The following CFAP299 variants were observed in gnomAD, a reference collection of about 807,000 sequenced individuals.
The protein encoded by CFAP299 is cilia- and flagella-associated protein 299.
In CFAP299, 21 loss-of-function variants were observed where a neutral mutation model predicts 27.0. The ratio of observed to expected loss-of-function variants is 0.78; its 90% CI spans 0.55 to 1.12. The LOEUF is 1.12. CFAP299 is among the 50% of genes most tolerant of loss of function. The probability of loss-of-function intolerance (pLI) is 0.00; values close to 1 mark genes in which losing one functional copy is unlikely to be tolerated. For missense variants in CFAP299, 310 were observed against 276.6 expected, an observed-to-expected ratio of 1.12 and a Z score of -0.86; for synonymous variants, 104 against 98.1, an observed-to-expected ratio of 1.06 and a Z score of -0.36.
At chr4:80,499,266 A>C (rs1731617894) in intron 2 of CFAP299, among the ~76,000 whole-genome samples, 1 of 152,140 alleles carries the variant, frequency 6.6e-6, no homozygotes, top group African/African-American at 2.4e-5. Flanking sequence ...AGAAAAAATA[A>C]ATATTTGTTT....
chr4:80,833,148 C>T (rs907189687), intron 3 of CFAP299, among the ~76,000 whole-genome samples: 3 of 151,970 alleles, frequency 2.0e-5, no homozygotes, highest in African/African-American at 7.3e-5. Flanking sequence ...GCAGTATGTG[C>T]TGAACATAGT....
At chr4:80,860,072 T>C (rs1732219517) in intron 3 of CFAP299, among the ~76,000 whole-genome samples, 1 of 152,226 alleles carries the variant, frequency 6.6e-6, no homozygotes, top group Non-Finnish European at 1.5e-5. Flanking sequence ...TTTGGTCTTT[T>C]CACATTGTCC....
chr4:80,721,625 T>TG (rs943717804), intron 3 of CFAP299, among the ~76,000 whole-genome samples: 2 of 152,194 alleles, frequency 1.3e-5, no homozygotes, highest in Admixed American at 6.5e-5. Flanking sequence ...ATATGAATTT[T>TG]GGGGGGAACT....
rs146483628 is a variant in CFAP299, at chr4:80,936,128, A to G, written c.477-8682A>G. ...ATGGCAAAAACATAATTACTTTTGC[A>G]TCAACCTATCAAAGATGATGATGAG... On this transcript the variant is annotated intron_variant, in intron 4 of 5. Coordinates refer to ENST00000358105, the MANE Select transcript of CFAP299 (RefSeq NM_152770.3). 6.1e-3 allele frequency among the ~76,000 whole-genome samples: 931 copies of G among 152,264 alleles called. 11 individuals carry two copies. The highest frequency in any genetic ancestry group is 0.021 in the African/African-American group (883 of 41,562).
intron 3 of CFAP299, among the ~76,000 whole-genome samples, chr4:80,809,410 GTGA>G (rs1729026727): frequency 6.6e-6 from 1 of 152,140 alleles, no homozygotes; most frequent in Non-Finnish European, 1.5e-5. Flanking sequence ...CAAGTGTTTG[GTGA>G]TGATGTTTTA....
Position 80,905,755 on chromosome 4 carries a change from G to A in CFAP299, c.476+35620G>A, listed in dbSNP as rs548120595. ...GCCACTTATAAAATCATCAGATCTC[G>A]TGAGAACTCGTTATCACAAGAACAG... On this transcript the variant is annotated intron_variant, in intron 4 of 5. Transcript: ENST00000358105. 5.3e-5 allele frequency among the ~76,000 whole-genome samples: 8 copies of A among 152,250 alleles called. No individual in the cohort carries two copies. The East Asian group carries it at 5.8e-4, about 11-fold the overall frequency.
At chr4:80,729,237 G>C (rs932601828) in intron 3 of CFAP299, among the ~76,000 whole-genome samples, 8 of 152,234 alleles carry the variant, frequency 5.3e-5, no homozygotes, top group African/African-American at 1.9e-4. Context: ...CACTCTTTTG[G>C]TTGCTAATTC....
At chr4:80,486,786 T>C (rs771753050) in intron 2 of CFAP299, among the ~76,000 whole-genome samples, 9 of 152,204 alleles carry the variant, frequency 5.9e-5, no homozygotes, top group Non-Finnish European at 1.3e-4. Flanking sequence ...TCAGTTTCTA[T>C]AGCCTCTGTA....
chr4:80,489,625 C>T (rs1380457062), intron 2 of CFAP299, among the ~76,000 whole-genome samples: 1 of 152,146 alleles, frequency 6.6e-6, no homozygotes, highest in East Asian at 1.9e-4. Context: ...CCTCATCTCT[C>T]CTGCAAAAAT....
intron 2 of CFAP299, among the ~76,000 whole-genome samples, chr4:80,449,421 T>C (rs1233268700): frequency 6.6e-6 from 1 of 151,934 alleles, no homozygotes; most frequent in African/African-American, 2.4e-5. Flanking sequence ...TCTTTTCTTA[T>C]TTCTTTATTA....
intron 4 of CFAP299, among the ~76,000 whole-genome samples, chr4:80,930,650 T>C (rs1279138412): frequency 1.3e-5 from 2 of 152,176 alleles, no homozygotes; most frequent in Non-Finnish European, 2.9e-5. Context: ...CTATGTTGAT[T>C]GTTGTGGGTG....
At position 80,565,653 on chromosome 4, in the gene CFAP299, C is replaced by G. The variant is rs202041328; in HGVS notation, c.243-17440C>G. Among the ~76,000 whole-genome samples the G allele has an allele frequency of 2.6e-5, 4 of 151,936 alleles. No homozygotes were observed. In the East Asian group the frequency reaches 7.7e-4, roughly 29 times the overall value. On this transcript the variant is annotated intron_variant, in intron 2 of 5. Transcript: ENST00000358105. ...AAATGTGTATCTAGCTGGTATCATACCTATTTAAAAATGACCTTTTGCAAC... is the reference window on the plus strand; with the variant it reads ...AAATGTGTATCTAGCTGGTATCATAGCTATTTAAAAATGACCTTTTGCAAC...
intron 2 of CFAP299, among the ~76,000 whole-genome samples, chr4:80,491,243 A>AAATAGAATT (rs1461229758): frequency 1.3e-5 from 2 of 152,152 alleles, no homozygotes; most frequent in African/African-American, 4.8e-5. Flanking sequence ...TATCGTTTAA[A>AAATAGAATT]AATAGAATTA....
At chr4:80,913,694 C>T (rs1024188639) in intron 4 of CFAP299, among the ~76,000 whole-genome samples, 1 of 152,150 alleles carries the variant, frequency 6.6e-6, no homozygotes, top group South Asian at 2.1e-4. Context: ...TTGGTCAGTA[C>T]ATTTTGAAGT....
intron 2 of CFAP299, among the ~76,000 whole-genome samples, chr4:80,553,259 G>T (rs776531747): frequency 6.6e-6 from 1 of 152,090 alleles, no homozygotes; most frequent in African/African-American, 2.4e-5. Context: ...GTTTTCTGTT[G>T]CTGCAGTAGT....
intron 1 of CFAP299, among the ~76,000 whole-genome samples, chr4:80,336,887 T>G (rs1356179799): frequency 6.6e-6 from 1 of 152,172 alleles, no homozygotes; most frequent in African/African-American, 2.4e-5. Context: ...TCCCCACACT[T>G]CTGAACTGCA....
intron 3 of CFAP299, among the ~76,000 whole-genome samples, chr4:80,675,348 A>G (rs1719368377): frequency 6.6e-6 from 1 of 152,224 alleles, no homozygotes; most frequent in Non-Finnish European, 1.5e-5. Context: ...GGGTATCACC[A>G]GTGGAGGCTG....
Position 80,859,103 on chromosome 4 carries a change from G to A in CFAP299, c.334-10890G>A, listed in dbSNP as rs543028628. ...GTGAATCTGGGTGCTCCTGTATTGG[G>A]TGCATATATATTTAGGATAGTTAGC... On this transcript the variant is annotated intron_variant, in intron 3 of 5. Transcript: ENST00000358105. Among the ~76,000 whole-genome samples, 701 of 152,246 alleles carry A rather than the reference G, an allele frequency of 4.6e-3. 3 individuals carry two copies. The highest frequency in any genetic ancestry group is 0.016 in the African/African-American group (665 of 41,512).
At chr4:80,448,592 C>T (rs1447695114) in intron 2 of CFAP299, among the ~76,000 whole-genome samples, 2 of 151,798 alleles carry the variant, frequency 1.3e-5, no homozygotes, top group African/African-American at 4.8e-5. Flanking sequence ...GTTCTTTTTT[C>T]TTCTCTTACT....
Sources: allele counts gnomAD v4.1 joint callset (sites outside exome capture counted in the v4.1 genomes callset), GRCh38; gene constraint gnomAD v4.1.1; transcripts MANE v1.5; gene names NCBI Gene and HGNC (gene_info 2026-07-23, HGNC 2026-07-21).